ADAMTS13: variants seen among roughly 807,000 people sequenced by gnomAD.
The protein encoded by ADAMTS13 is ADAM metallopeptidase with thrombospondin type 1 motif 13, also known as A disintegrin and metalloproteinase with thrombospondin motifs 13.
In ADAMTS13, 110 loss-of-function variants were observed where a neutral mutation model predicts 155.1. That is an observed-to-expected ratio of 0.71 (90% CI 0.61 to 0.83). The LOEUF is 0.83. Among genes scored for constraint, ADAMTS13 ranks in the 40% least tolerant of loss-of-function variants. ADAMTS13 has a pLI of 0.00. For synonymous variants in ADAMTS13, 758 were observed against 756.4 expected (o/e 1.00, Z -0.03); for missense variants, 1,707 against 1,891.7 (o/e 0.90, Z 1.81).
intron 21 of ADAMTS13, among the ~76,000 whole-genome samples, chr9:133,448,256 G>T (rs913742492): frequency 6.6e-6 from 1 of 152,182 alleles, no homozygotes; most frequent in Admixed American, 6.5e-5. Flanking sequence ...GTGATTACAG[G>T]CGTGAGCCAC....
rs1842632334 is a variant in ADAMTS13, at chr9:133,454,601, T to A, written c.3231T>A (p.His1077Gln). Residue 1077 changes from histidine to glutamine, a missense_variant, in exon 24 of 29, where the codon CAT (histidine) becomes CAA (glutamine). Physicochemically the swap from His to Gln is conservative, Grantham distance 24 (BLOSUM62 0). This residue lies in a region of ADAMTS13 where 961 missense variants were observed against 1,107.9 expected (regional missense o/e 0.87). Transcript: ENST00000355699. ...TTGCCGACTGCACCTACCGCTGGCA[T>A]GTTGGCACCTGGATGGAGGTGAGCA... ...CLIADCTYRW[H>Q]VGTWMECSVS... 9 of 1,602,842 alleles carry A rather than the reference T, an allele frequency of 5.6e-6. No homozygotes were observed. The highest frequency in any genetic ancestry group is 7.6e-6 in the Non-Finnish European group (9 of 1,179,376).
At chr9:133,420,820 A>C (rs1288179563), upstream of ADAMTS13, among the ~76,000 whole-genome samples, 1 of 152,246 alleles carries the variant, frequency 6.6e-6, no homozygotes, top group Non-Finnish European at 1.5e-5. Flanking sequence ...GTGACCTTTT[A>C]AAGATCAATT....
Position 133,443,551 on chromosome 9 carries a change from T to C in ADAMTS13, c.2410T>C (p.Cys804Arg), listed in dbSNP as rs754909071. The change falls in exon 19 of 29, where the codon TGC (cysteine) becomes CGC (arginine). Residue 804 changes from cysteine to arginine, a missense_variant. Around this residue, in one of 3 missense-constraint regions of ADAMTS13, gnomAD observed 961 missense variants for 1,107.9 expected, o/e 0.87. Coordinates refer to ENST00000355699, the MANE Select transcript of ADAMTS13 (RefSeq NM_139027.6). ...GCTGGAAACCTGCAACCCCCAGCCC[T>C]GCCCTGCCAGGTGAGCCCAGGGCTA... ...VALETCNPQP[C>R]PARWEVSEPS... 2 of 1,553,726 alleles carry C rather than the reference T, an allele frequency of 1.3e-6. No homozygotes were observed. The highest frequency in any genetic ancestry group is 1.7e-6 in the Non-Finnish European group (2 of 1,155,640).
Position 133,425,853 on chromosome 9 carries a change from G to A in ADAMTS13, c.415-85G>A, listed in dbSNP as rs934533107. On this transcript the variant is annotated intron_variant, in intron 4 of 28. Transcript: ENST00000355699. The surrounding 1 kb of genome is among the most constrained non-coding windows in gnomAD (Gnocchi z 4.6). ...CGGGCTAGTCATAGGGTTGTTAGGA[G>A]GACTAACTGGGAAACAAACCGACCG... 1.9e-6 allele frequency: 3 copies of A among 1,585,654 alleles called. No individual in the cohort carries two copies. In the African/African-American group the frequency reaches 4.0e-5, roughly 21 times the overall value.
chr9:133,459,100 C>T lies in ADAMTS13; in HGVS notation c.4036C>T (p.Arg1346Trp). Residue 1346 changes from arginine to tryptophan, a missense_variant, in exon 29 of 29, where the codon CGG becomes TGG. Around this residue, in one of 3 missense-constraint regions of ADAMTS13, gnomAD observed 961 missense variants for 1,107.9 expected, o/e 0.87. Transcript: ENST00000355699. ...EGFLKAQASLRGQYWTLQSWV... is the reference protein window; with the variant it reads ...EGFLKAQASLWGQYWTLQSWV... ...CTTCCTGAAGGCTCAGGCCAGCCTG[C>T]GGGGCCAGTACTGGACCCTCCAATC... is the stretch of plus-strand genomic sequence containing the variant. 3 of 1,612,714 alleles carry T rather than the reference C, an allele frequency of 1.9e-6. No homozygotes were observed. The highest frequency in any genetic ancestry group is 8.5e-7 in the Non-Finnish European group (1 of 1,179,818).
Position 133,449,944 on chromosome 9 carries a change from G to A in ADAMTS13, c.3023G>A (p.Ser1008Asn), listed in dbSNP as rs1364275714. 6.2e-6 allele frequency: 10 copies of A among 1,607,316 alleles called. No individual in the cohort carries two copies. Among genetic ancestry groups the A allele is most frequent in the Non-Finnish European group, 8.5e-6 (10 of 1,178,110 alleles). Reference protein sequence around the residue: ...LPRPEPQEACSLEPCPPRWKV... With the variant: ...LPRPEPQEACNLEPCPPRWKV... ...CGCCCGGAACCCCAGGAGGCCTGCA[G>A]CCTGGAGCCCTGCCCACCTAGGTGA... The change falls in exon 23 of 29, where the codon AGC becomes AAC. Residue 1008 changes from serine to asparagine, a missense_variant. Physicochemically the swap from Ser to Asn is conservative, Grantham distance 46 (BLOSUM62 1). Coordinates refer to ENST00000355699, the MANE Select transcript of ADAMTS13 (RefSeq NM_139027.6).
At chr9:133,447,102 G>C (rs940622591) in intron 21 of ADAMTS13, among the ~76,000 whole-genome samples, 16 of 152,144 alleles carry the variant, frequency 1.1e-4, no homozygotes, top group African/African-American at 3.9e-4. Context: ...TGATCTGCCT[G>C]CCTTGGCCTC....
chr9:133,439,484 C>G (rs1235997439), intron 15 of ADAMTS13, 38 bp downstream of exon 15: 3 of 1,551,026 alleles, frequency 1.9e-6, no homozygotes, highest in Non-Finnish European at 2.7e-6. Flanking sequence ...GTTAGCTAGA[C>G]TGCAAAGGTG....
chr9:133,417,886 C>T, upstream of ADAMTS13: 1 of 1,567,394 alleles, frequency 6.4e-7, no homozygotes, highest in African/African-American at 1.4e-5. Flanking sequence ...CACCCGAGAC[C>T]CCGGCCTCCC....
chr9:133,431,631 C>T (rs1170421551), intron 8 of ADAMTS13, among the ~76,000 whole-genome samples: 1 of 150,786 alleles, frequency 6.6e-6, no homozygotes, highest in Non-Finnish European at 1.5e-5. Context: ...CAGCCTAGTT[C>T]ATTTTTTTCT....
At chr9:133,454,710 CTCA>C in intron 24 of ADAMTS13, 91 bp downstream of exon 24, 3 of 1,427,398 alleles carry the variant, frequency 2.1e-6, no homozygotes, top group Non-Finnish European at 2.8e-6. Flanking sequence ...GAGGCATTGG[CTCA>C]TCGTGTCCCC....
intron 22 of ADAMTS13, 64 bp downstream of exon 22, chr9:133,448,792 G>T: frequency 6.4e-7 from 1 of 1,572,174 alleles, no homozygotes; most frequent in Non-Finnish European, 8.6e-7. Flanking sequence ...CCGAGCCTTG[G>T]CTCCATGCCC....
At chr9:133,457,384 G>A (rs1842811667) in intron 27 of ADAMTS13, among the ~76,000 whole-genome samples, 1 of 152,188 alleles carries the variant, frequency 6.6e-6, no homozygotes, top group South Asian at 2.1e-4. Context: ...AGACCTGCCC[G>A]GGCAGAGAGC....
intron 22 of ADAMTS13, 55 bp downstream of exon 22, chr9:133,448,783 C>G: frequency 6.3e-7 from 1 of 1,578,248 alleles, no homozygotes; most frequent in Non-Finnish European, 8.5e-7. Context: ...GTGGGAGACC[C>G]GAGCCTTGGC....
chr9:133,431,889 C>T (rs587764112), intron 8 of ADAMTS13, among the ~76,000 whole-genome samples: 3 of 152,010 alleles, frequency 2.0e-5, no homozygotes, highest in South Asian at 2.1e-4. Context: ...CTCCTGACCT[C>T]GTGATTTGCC....
intron 21 of ADAMTS13, among the ~76,000 whole-genome samples, chr9:133,447,993 T>C (rs1554793100): frequency 6.6e-6 from 1 of 151,728 alleles, no homozygotes; most frequent in Admixed American, 6.6e-5. Context: ...GATTTTTTTT[T>C]CTTTTTTTTT....
Position 133,425,693 on chromosome 9 carries a change from G to A in ADAMTS13, c.414+81G>A. On this transcript the variant is annotated intron_variant, in intron 4 of 28. Coordinates refer to ENST00000355699, the MANE Select transcript of ADAMTS13 (RefSeq NM_139027.6). This position sits in a 1 kb window ranked among gnomAD's most constrained non-coding sequence, Gnocchi z 4.6. ...GCATCTCCATCCTCTTTAACCTCTT[G>A]TCCCGGATGCCCCAAGCAGCATGGA... 1 of 1,499,084 alleles carries A rather than the reference G, an allele frequency of 6.7e-7. No homozygotes were observed. Among genetic ancestry groups the A allele is most frequent in the Non-Finnish European group, 9.1e-7 (1 of 1,096,276 alleles). The allele number at this position is 1,499,084 out of a possible 1,614,324, so 92.9% of individuals were successfully genotyped here.
chr9:133,427,179 G>A (rs901569459), intron 6 of ADAMTS13, among the ~76,000 whole-genome samples: 2 of 152,086 alleles, frequency 1.3e-5, no homozygotes, highest in Admixed American at 1.3e-4. Context: ...ATTATCCCAG[G>A]TATCTTAGAG....
chr9:133,442,808 C>T, intron 18 of ADAMTS13, 65 bp downstream of exon 18: 1 of 1,543,978 alleles, frequency 6.5e-7, no homozygotes, highest in East Asian at 2.4e-5. Flanking sequence ...CTGCTGGGCT[C>T]TGTCCCTGGC....
Sources: gnomAD v4.1 joint callset for allele counts (sites outside exome capture counted in the v4.1 genomes callset) on GRCh38, gnomAD v4.1.1 for gene constraint, gnomAD v4.1.1 regional missense constraint, Gnocchi (gnomAD v3.1) non-coding constraint, MANE v1.5 for transcripts, NCBI Gene and HGNC (gene_info 2026-07-23, HGNC 2026-07-21) for gene names.